Variants in TDRD3 observed in about 807,000 individuals in gnomAD.
TDRD3 encodes the protein tudor domain-containing protein 3.
In TDRD3, 45 loss-of-function variants were observed where a neutral mutation model predicts 86.7. That is an observed-to-expected ratio of 0.52 (90% confidence interval 0.41 to 0.67). The LOEUF is 0.67. TDRD3 is among the 30% of genes least tolerant of loss of function. The probability of loss-of-function intolerance (pLI) is 0.00; values close to 1 mark genes in which losing one functional copy is unlikely to be tolerated. For missense variants in TDRD3, 814 were observed against 889.0 expected, an observed-to-expected ratio of 0.92 and a Z score of 1.07; for synonymous variants, 298 against 301.7, an observed-to-expected ratio of 0.99 and a Z score of 0.13.
At chr13:60,483,625 T>G in intron 5 of TDRD3, 150 bp from the exon 6 acceptor site, 1 of 571,990 alleles carries the variant, frequency 1.7e-6, no homozygotes, top group Non-Finnish European at 2.9e-6. Context: ...AATATATTTT[T>G]TTGTGGTTTG....
chr13:60,508,447 G>A (rs1024058582), intron 8 of TDRD3, among the ~76,000 whole-genome samples: 4 of 152,000 alleles, frequency 2.6e-5, no homozygotes, highest in Non-Finnish European at 5.9e-5. Context: ...CAGAACAGAC[G>A]CCTCATAAAT....
At chr13:60,523,498 A>G (rs902749335) in intron 10 of TDRD3, among the ~76,000 whole-genome samples, 1 of 149,980 alleles carries the variant, frequency 6.7e-6, no homozygotes, top group East Asian at 2.0e-4. Context: ...GTTTTCTCAT[A>G]TGAGCTTTCC....
intron 12 of TDRD3, among the ~76,000 whole-genome samples, chr13:60,562,367 A>G (rs1958354517): frequency 1.3e-5 from 2 of 152,128 alleles, no homozygotes; most frequent in African/African-American, 2.4e-5. Flanking sequence ...TCAGCTTTCA[A>G]TTTTTAGCTA....
chr13:60,514,892 G>A (rs994557407), intron 10 of TDRD3, among the ~76,000 whole-genome samples: 1 of 152,212 alleles, frequency 6.6e-6, no homozygotes, highest in Non-Finnish European at 1.5e-5. Context: ...ATTGAAAACA[G>A]ACAATAGTTG....
chr13:60,566,744 G>C (rs1045103554), intron 12 of TDRD3, among the ~76,000 whole-genome samples: 1 of 152,058 alleles, frequency 6.6e-6, no homozygotes, highest in African/African-American at 2.4e-5. Context: ...AACCAGTGTG[G>C]CTTTGGCTGT....
Position 60,407,898 on chromosome 13 carries a change from G to A in TDRD3, c.41+10493G>A, listed in dbSNP as rs147867130. On this transcript the variant is annotated intron_variant, in intron 1 of 13. Transcript: ENST00000377881. ...CCATGTGTTGTGGGAGGGACCCAGCGGGAGGTAATTGAATCATGGGGGTCG... is the reference window on the plus strand; with the variant it reads ...CCATGTGTTGTGGGAGGGACCCAGCAGGAGGTAATTGAATCATGGGGGTCG... 6.6e-5 allele frequency among the ~76,000 whole-genome samples: 10 copies of A among 152,288 alleles called. No individual in the cohort carries two copies. The East Asian group carries it at 1.7e-3, about 26-fold the overall frequency.
At chr13:60,455,667 A>T (rs1955651497) in intron 3 of TDRD3, among the ~76,000 whole-genome samples, 1 of 152,202 alleles carries the variant, frequency 6.6e-6, no homozygotes, top group Admixed American at 6.5e-5. Context: ...TCACACTCAT[A>T]TATTCCTTTT....
intron 8 of TDRD3, among the ~76,000 whole-genome samples, chr13:60,506,337 T>C (rs1211055617): frequency 3.3e-5 from 5 of 151,972 alleles, no homozygotes; most frequent in African/African-American, 1.2e-4. Flanking sequence ...GACAAGAAAA[T>C]GCTGAGAGAT....
At chr13:60,513,102 A>G (rs569253429) in intron 10 of TDRD3, among the ~76,000 whole-genome samples, 22 of 152,326 alleles carry the variant, frequency 1.4e-4, no homozygotes, top group East Asian at 3.9e-4. Flanking sequence ...CCAATCCCCA[A>G]TTCTTAACTT....
rs370500241 is a variant in TDRD3 at position 60,455,219 on chromosome 13, T to A, written c.193-5161T>A. Among the ~76,000 whole-genome samples, 9 of 152,300 alleles carry A rather than the reference T, an allele frequency of 5.9e-5. No individual in the cohort carries two copies. In the East Asian group the frequency reaches 1.4e-3, roughly 23 times the overall value. ...TGTGCCACCACACCTGGCTTATATTTATTTATTAAAGTCAAATTGTGTTGA... is the reference window on the plus strand; with the variant it reads ...TGTGCCACCACACCTGGCTTATATTAATTTATTAAAGTCAAATTGTGTTGA... On this transcript the variant is annotated intron_variant, in intron 3 of 13. Transcript: ENST00000377881.
chr13:60,537,036 T>C (rs1005840235), intron 12 of TDRD3: 13 of 152,116 alleles, frequency 8.5e-5, no homozygotes, highest in African/African-American at 3.1e-4. Flanking sequence ...TCCTACTTAT[T>C]TGTGAATATT....
chr13:60,541,716 C>CTTTTTTTTTTTTATTTTTTTTTT (rs1957814549), intron 12 of TDRD3, among the ~76,000 whole-genome samples: 1 of 41,008 alleles, frequency 2.4e-5, no homozygotes, highest in Non-Finnish European at 4.3e-5. Flanking sequence ...TCAGCATAGT[C>CTTTTTTTTTTTTATTTTTTTTTT]TTTTTTTTTT....
chr13:60,525,987 A>G (rs1039722381), intron 10 of TDRD3, among the ~76,000 whole-genome samples: 2 of 152,186 alleles, frequency 1.3e-5, no homozygotes, highest in African/African-American at 4.8e-5. Context: ...TTTTCCTTTT[A>G]GAAGAATTGA....
chr13:60,474,533 G>A (rs2137444643), intron 5 of TDRD3, among the ~76,000 whole-genome samples: 1 of 152,314 alleles, frequency 6.6e-6, no homozygotes, highest in Middle Eastern at 3.4e-3. Flanking sequence ...TTGCTGTAAG[G>A]TTTAAGATGT....
At chr13:60,402,643 A>T (rs1191813204) in intron 1 of TDRD3, among the ~76,000 whole-genome samples, 3 of 151,264 alleles carry the variant, frequency 2.0e-5, no homozygotes, top group African/African-American at 7.3e-5. Flanking sequence ...GATTCGAATC[A>T]TTAAAACACT....
At chr13:60,462,940 A>G (rs1253027854) in intron 4 of TDRD3, among the ~76,000 whole-genome samples, 3 of 152,218 alleles carry the variant, frequency 2.0e-5, no homozygotes, top group Non-Finnish European at 4.4e-5. Flanking sequence ...ATGGAACAGA[A>G]TAGAGAACCC....
At chr13:60,456,395 T>C (rs9528143) in intron 3 of TDRD3, among the ~76,000 whole-genome samples, 22,672 of 152,112 alleles carry the variant, frequency 0.15, 2,119 homozygotes, top group South Asian at 0.28. Context: ...ATTAATGGCC[T>C]GAGAGAATAT....
At chr13:60,442,929 A>AATT (rs1955314450) in intron 2 of TDRD3, among the ~76,000 whole-genome samples, 1 of 152,028 alleles carries the variant, frequency 6.6e-6, no homozygotes, top group Non-Finnish European at 1.5e-5. Context: ...ACTTGAATTA[A>AATT]ATTTCATAAT....
intron 4 of TDRD3, 139 bp from the exon 5 acceptor site, chr13:60,467,099 G>A (rs1438772505): frequency 1.1e-6 from 1 of 886,118 alleles, no homozygotes; most frequent in Non-Finnish European, 1.7e-6. Context: ...ATTAAGCCCA[G>A]CATGCATTAG....
Sources: gnomAD v4.1 joint callset for allele counts (sites outside exome capture counted in the v4.1 genomes callset) on GRCh38, gnomAD v4.1.1 for gene constraint, MANE v1.5 for transcripts, NCBI Gene and HGNC (gene_info 2026-07-23, HGNC 2026-07-21) for gene names.